The following CACNA1A variants were observed in gnomAD, a reference collection of about 807,000 sequenced individuals.
CACNA1A encodes calcium voltage-gated channel subunit alpha1 A.
Under a neutral mutation model 262.4 loss-of-function variants are expected in CACNA1A, and 57 were observed. The observed-to-expected ratio is 0.22, with a 90% CI of 0.18 to 0.27. The LOEUF (loss-of-function observed/expected upper bound fraction) is 0.27, where lower values mean the gene tolerates loss of function less well. Among genes scored for constraint, CACNA1A ranks in the 10% least tolerant of loss-of-function variants. The pLI is 1.00. For missense variants in CACNA1A, 2,526 were observed against 3,562.8 expected (o/e 0.71, Z 7.41); for synonymous variants, 1,431 against 1,419.3 (o/e 1.01, Z -0.18).
intron 19 of CACNA1A, among the ~76,000 whole-genome samples, chr19:13,287,552 C>T (rs1187142220): frequency 2.0e-5 from 3 of 151,922 alleles, no homozygotes; most frequent in East Asian, 1.9e-4. Flanking sequence ...CTTGCTCTGT[C>T]GTACAGTGGC....
chr19:13,255,288 G>C, intron 28 of CACNA1A, 29 bp from the exon 29 acceptor site: 1 of 1,551,954 alleles, frequency 6.4e-7, no homozygotes, highest in Non-Finnish European at 8.8e-7. Flanking sequence ...TGGTGAGAGC[G>C]GCAGAGGCAG....
chr19:13,265,633 G>A (rs2056844402), intron 24 of CACNA1A, among the ~76,000 whole-genome samples: 1 of 152,152 alleles, frequency 6.6e-6, no homozygotes, highest in Non-Finnish European at 1.5e-5. Context: ...TTGGATCTCA[G>A]AGGGGCATAA....
At chr19:13,284,666 C>T (rs897088846) in intron 21 of CACNA1A, 1 of 179,620 alleles carries the variant, frequency 5.6e-6, no homozygotes, top group African/African-American at 2.4e-5. Context: ...GAGTTCAGGT[C>T]CTAGGGCTGC....
At chr19:13,222,416 G>C (rs149042769) in intron 38 of CACNA1A, among the ~76,000 whole-genome samples, 1 of 110,224 alleles carries the variant, frequency 9.1e-6, no homozygotes, top group Non-Finnish European at 1.7e-5. Context: ...TTTTTTTTCA[G>C]ATGAAGTCTC....
rs929020910 is a variant in CACNA1A at position 13,236,861 on chromosome 19, A to G, written c.4951-1131T>C. On this transcript the variant is annotated intron_variant, in intron 31 of 46. Transcript: ENST00000360228. This position sits in a 1 kb window ranked among gnomAD's most constrained non-coding sequence, Gnocchi z 4.6. ...GAGAGTCAGGGAGGAGACCAGCTAGAGTTAAGTGGCCATTGTGGGGCTTCA... is the reference window on the plus strand; with the variant it reads ...GAGAGTCAGGGAGGAGACCAGCTAGGGTTAAGTGGCCATTGTGGGGCTTCA... Among the ~76,000 whole-genome samples the G allele has an allele frequency of 4.0e-5, 6 of 151,826 alleles. No homozygotes were observed. The highest frequency in any genetic ancestry group is 1.5e-4 in the African/African-American group (6 of 41,314).
chr19:13,354,750 G>A (rs1028713885), intron 6 of CACNA1A, among the ~76,000 whole-genome samples: 2 of 152,100 alleles, frequency 1.3e-5, no homozygotes, highest in Admixed American at 1.3e-4. Flanking sequence ...AATTGCAGAC[G>A]TAATTAGTTA....
chr19:13,373,839 G>C (rs1477810382), intron 3 of CACNA1A, among the ~76,000 whole-genome samples: 1 of 152,228 alleles, frequency 6.6e-6, no homozygotes, highest in Non-Finnish European at 1.5e-5. Flanking sequence ...GTGCTGGGTA[G>C]AGTGACATAT....
intron 11 of CACNA1A, chr19:13,315,196 C>CTTTTTTTTT (rs60520404): frequency 1.8e-5 from 2 of 109,706 alleles, no homozygotes; most frequent in Non-Finnish European, 3.6e-5. Flanking sequence ...TAATGTGTAT[C>CTTTTTTTTT]TTTTTTTTTT....
chr19:13,473,223 T>C (rs1978290673), intron 1 of CACNA1A, among the ~76,000 whole-genome samples: 1 of 150,636 alleles, frequency 6.6e-6, no homozygotes, highest in African/African-American at 2.5e-5. Flanking sequence ...TGCTGTACTC[T>C]TGTACAGGGT....
intron 31 of CACNA1A, among the ~76,000 whole-genome samples, chr19:13,242,849 G>C (rs1278721044): frequency 1.3e-5 from 2 of 152,200 alleles, no homozygotes; most frequent in African/African-American, 4.8e-5. Flanking sequence ...AGAAGAGATA[G>C]CGCAAGTTGT....
chr19:13,380,724 C>A (rs2059508509), intron 3 of CACNA1A, among the ~76,000 whole-genome samples: 1 of 144,112 alleles, frequency 6.9e-6, no homozygotes, highest in African/African-American at 2.5e-5. Flanking sequence ...AGGTAAAATT[C>A]ATTTATTGGT....
intron 3 of CACNA1A, among the ~76,000 whole-genome samples, chr19:13,419,969 C>T (rs1422919998): frequency 6.6e-6 from 1 of 151,798 alleles, no homozygotes; most frequent in Admixed American, 6.6e-5. Context: ...ACCTGTACTC[C>T]TAGCCACTCA....
chr19:13,452,719 T>C (rs1265619985), intron 3 of CACNA1A, 157 bp downstream of exon 3: 1 of 650,820 alleles, frequency 1.5e-6, no homozygotes, highest in African/African-American at 1.8e-5. Context: ...AGCTGAGACA[T>C]GGAGGTGGGG....
Position 13,214,048 on chromosome 19 carries a change from C to T in CACNA1A, c.5940+185G>A, listed in dbSNP as rs892017. ...GCCCAGGGTGGTCTCATCCTGGTCT[C>T]AAACGATCCCTCTGCCCTGGCCTCT... On this transcript the variant is annotated intron_variant, in intron 40 of 46. Transcript: ENST00000360228. This position sits in a 1 kb window ranked among gnomAD's most constrained non-coding sequence, Gnocchi z 4.1. The T allele has an allele frequency of 0.82, 483,372 of 590,194 alleles. 199,513 individuals are homozygous for T. Among genetic ancestry groups the T allele is most frequent in the African/African-American group, 0.93 (49,869 of 53,760 alleles). The allele number at this position is 590,194 out of a possible 1,614,324, so 36.6% of individuals were successfully genotyped here. A position where few individuals can be genotyped will look rare whatever the true frequency, so the allele number is the denominator to read the frequency against.
At chr19:13,263,066 AG>A (rs2056774839) in intron 24 of CACNA1A, 1 of 529,608 alleles carries the variant, frequency 1.9e-6, no homozygotes, top group African/African-American at 1.9e-5. Context: ...GGGTTGGTTG[AG>A]GGCCCTTTGC....
intron 1 of CACNA1A, among the ~76,000 whole-genome samples, chr19:13,500,868 C>T (rs556823395): frequency 7.9e-5 from 12 of 152,284 alleles, no homozygotes; most frequent in African/African-American, 1.9e-4. Flanking sequence ...AAAAGGAAGG[C>T]GCTACTGTCA....
At chr19:13,442,342 G>T (rs2060737582) in intron 3 of CACNA1A, among the ~76,000 whole-genome samples, 1 of 152,076 alleles carries the variant, frequency 6.6e-6, no homozygotes, top group African/African-American at 2.4e-5. Flanking sequence ...GGGAAGCCAG[G>T]GTATTTATAC....
At chr19:13,349,726 G>T (rs72997525) in intron 6 of CACNA1A, among the ~76,000 whole-genome samples, 17,364 of 152,176 alleles carry the variant, frequency 0.11, 1,250 homozygotes, top group East Asian at 0.38. Flanking sequence ...ACTCTCAATC[G>T]CTGTGCACAG....
chr19:13,259,987 T>G, intron 26 of CACNA1A: 1 of 325,510 alleles, frequency 3.1e-6, no homozygotes, highest in Admixed American at 4.3e-5. Context: ...CTTCTAGTCC[T>G]CAGGGTGAGA....
Sources: allele counts gnomAD v4.1 joint callset (sites outside exome capture counted in the v4.1 genomes callset), GRCh38; gene constraint gnomAD v4.1.1; non-coding constraint Gnocchi (gnomAD v3.1); transcripts MANE v1.5; gene names NCBI Gene and HGNC (gene_info 2026-07-23, HGNC 2026-07-21).